The following HSD17B12 variants were observed in gnomAD, a reference collection of about 807,000 sequenced individuals.
The protein encoded by HSD17B12 is very-long-chain 3-oxoacyl-CoA reductase.
Under a neutral mutation model 39.3 loss-of-function variants are expected in HSD17B12, and 32 were observed. That is an observed-to-expected ratio of 0.81 (90% CI 0.61 to 1.09). The LOEUF (loss-of-function observed/expected upper bound fraction) is 1.09. Among genes scored for constraint, HSD17B12 ranks in the 50% least tolerant of loss-of-function variants. The probability of loss-of-function intolerance (pLI) is 0.00; values close to 1 mark genes in which losing one functional copy is unlikely to be tolerated. For missense variants in HSD17B12, 342 were observed against 382.9 expected, an observed-to-expected ratio of 0.89 and a Z score of 0.89; for synonymous variants, 150 against 146.7, an observed-to-expected ratio of 1.02 and a Z score of -0.16.
At chr11:43,689,865 C>G (rs1949836493) in intron 1 of HSD17B12, among the ~76,000 whole-genome samples, 1 of 151,922 alleles carries the variant, frequency 6.6e-6, no homozygotes, top group Non-Finnish European at 1.5e-5. Flanking sequence ...AGGCTTTAAA[C>G]CACCTGCTTC....
At chr11:43,690,404 A>ATTT (rs1206545700) in intron 1 of HSD17B12, among the ~76,000 whole-genome samples, 14 of 24,948 alleles carry the variant, frequency 5.6e-4, no homozygotes, top group South Asian at 1.5e-3. Context: ...ATATATATAT[A>ATTT]TTTTTTTTTT....
intron 3 of HSD17B12, among the ~76,000 whole-genome samples, chr11:43,793,464 C>A (rs181720795): frequency 2.6e-5 from 4 of 152,074 alleles, no homozygotes; most frequent in Admixed American, 2.0e-4. Flanking sequence ...ATATCCCCAG[C>A]CACCTAGGGG....
chr11:43,846,129 A>C (rs764677753), intron 9 of HSD17B12, among the ~76,000 whole-genome samples: 1 of 152,348 alleles, frequency 6.6e-6, no homozygotes, highest in African/African-American at 2.4e-5. Flanking sequence ...TCCGGTGATC[A>C]TCTGACCTAC....
chr11:43,834,658 AT>A (rs1006422779), intron 7 of HSD17B12, among the ~76,000 whole-genome samples: 27 of 151,496 alleles, frequency 1.8e-4, no homozygotes, highest in Non-Finnish European at 2.4e-4. Flanking sequence ...AGGCTTGGCA[AT>A]TTTTTTTTAA....
chr11:43,583,492 C>T, the HSD17B12 span, among the ~76,000 whole-genome samples: 1 of 152,186 alleles, frequency 6.6e-6, no homozygotes, highest in African/African-American at 2.4e-5. Flanking sequence ...AGGGGTCTCT[C>T]ATTCCGGGTG....
In HSD17B12 at chr11:43,798,370, G is replaced by A; in HGVS notation, c.334G>A (p.Glu112Lys). 1 of 1,612,580 alleles carries A rather than the reference G, an allele frequency of 6.2e-7. No individual in the cohort carries two copies. Among genetic ancestry groups the A allele is most frequent in the Non-Finnish European group, 8.5e-7 (1 of 1,179,120 alleles). The change falls in exon 4 of 11, where the codon GAA (glutamate) becomes AAA (lysine). Residue 112 changes from glutamate (E) to lysine (K), a missense_variant. Physicochemically the swap from Glu to Lys is moderately conservative, Grantham distance 56. Coordinates refer to ENST00000278353, the MANE Select transcript of HSD17B12 (RefSeq NM_016142.3). ...TRTIAVDFAS[E>K]DIYDKIKTGL... ...AACCATTGCTGTTGACTTTGCATCA[G>A]AAGATATTTATGATAAAATTAAAAC...
chr11:43,809,666 A>G (rs1951051607), intron 4 of HSD17B12, among the ~76,000 whole-genome samples: 1 of 152,040 alleles, frequency 6.6e-6, no homozygotes, highest in Admixed American at 6.5e-5. Context: ...TAAAACTACA[A>G]AAAATTAGCC....
At chr11:43,722,768 G>T (rs1950186919) in intron 1 of HSD17B12, among the ~76,000 whole-genome samples, 1 of 152,048 alleles carries the variant, frequency 6.6e-6, no homozygotes, top group South Asian at 2.1e-4. Context: ...AGAATTGCTT[G>T]AACCCGGGAG....
chr11:43,789,766 T>G (rs1489574843), intron 3 of HSD17B12, among the ~76,000 whole-genome samples: 1 of 152,018 alleles, frequency 6.6e-6, no homozygotes, highest in East Asian at 1.9e-4. Context: ...CTGGGCAGCA[T>G]GACAAAACCC....
the HSD17B12 span, among the ~76,000 whole-genome samples, chr11:43,619,211 A>G: frequency 1.9e-4 from 7 of 37,736 alleles, no homozygotes; most frequent in African/African-American, 3.4e-4. Context: ...ATATATATAT[A>G]TAAAATATAT....
At chr11:43,774,824 C>T (rs1458168623) in intron 3 of HSD17B12, among the ~76,000 whole-genome samples, 1 of 152,146 alleles carries the variant, frequency 6.6e-6, no homozygotes, top group Non-Finnish European at 1.5e-5. Flanking sequence ...TATATACACC[C>T]CATATGATTC....
chr11:43,590,978 A>C, the HSD17B12 span, among the ~76,000 whole-genome samples: 1 of 152,054 alleles, frequency 6.6e-6, no homozygotes, highest in African/African-American at 2.4e-5. Flanking sequence ...CTTATCAAGT[A>C]ATTTAAAACC....
At position 43,776,827 on chromosome 11, in the gene HSD17B12, T is replaced by C. The variant is rs866186316; in HGVS notation, c.284-21493T>C. Among the ~76,000 whole-genome samples, 56 of 152,278 alleles carry C rather than the reference T, an allele frequency of 3.7e-4. 1 individual carries two copies. The highest frequency in any genetic ancestry group is 6.8e-3 in the Middle Eastern group (2 of 294). ...CCAGTTTCAGCTTTCTACATATGGC[T>C]AGCCAGTTTTCCCAGCACCATTTAT... On this transcript the variant is annotated intron_variant, in intron 3 of 10. Coordinates refer to ENST00000278353, the MANE Select transcript of HSD17B12 (RefSeq NM_016142.3).
the HSD17B12 span, among the ~76,000 whole-genome samples, chr11:43,659,987 A>T: frequency 9.2e-5 from 14 of 152,122 alleles, no homozygotes; most frequent in African/African-American, 3.4e-4. Flanking sequence ...GGTATAACCC[A>T]TGAAATCACT....
At position 43,717,091 on chromosome 11, in the gene HSD17B12, AG is replaced by A. The variant is rs557176723; in HGVS notation, c.161-33819del. Among the ~76,000 whole-genome samples, 965 of 152,310 alleles carry A rather than the reference AG, an allele frequency of 6.3e-3. 5 individuals are homozygous for A. The highest frequency in any genetic ancestry group is 0.022 in the African/African-American group (917 of 41,572). ...AAGCATCCAAGTAACGATTTCAAGG[AG>A]AAAGTTAAGACTAGATTTAGTTATT... is the stretch of plus-strand genomic sequence containing the variant. On this transcript the variant is annotated intron_variant, in intron 1 of 10. Coordinates refer to ENST00000278353, the MANE Select transcript of HSD17B12 (RefSeq NM_016142.3).
Position 43,816,364 on chromosome 11 carries a change from A to C in HSD17B12, c.474A>C (p.Ile158=). ...PDLDNVIKKM[I]NINILSVCKM... Reference sequence around the variant, plus strand: ...TTTTGCAGGTGATCAAGAAAATGATAAATATTAATATTCTTTCTGTTTGTA... The same window carrying C: ...TTTTGCAGGTGATCAAGAAAATGATCAATATTAATATTCTTTCTGTTTGTA... Residue 158 remains isoleucine (I), a synonymous_variant, in exon 6 of 11, where the codon ATA becomes ATC. Coordinates refer to ENST00000278353, the MANE Select transcript of HSD17B12 (RefSeq NM_016142.3). 1 of 1,515,244 alleles carries C rather than the reference A, an allele frequency of 6.6e-7. No homozygotes were observed. The highest frequency in any genetic ancestry group is 1.2e-5 in the South Asian group (1 of 82,030). The allele number at this position is 1,515,244 out of a possible 1,614,324, so 93.9% of individuals were successfully genotyped here. A position where few individuals can be genotyped will look rare whatever the true frequency, so the allele number is the denominator to read the frequency against.
intron 9 of HSD17B12, among the ~76,000 whole-genome samples, chr11:43,842,152 G>A (rs1412968180): frequency 6.6e-6 from 1 of 152,174 alleles, no homozygotes; most frequent in Admixed American, 6.5e-5. Flanking sequence ...TCTGTGCTCA[G>A]GGAGTGATGG....
rs142308258 is a variant in HSD17B12 at position 43,698,737 on chromosome 11, T to C, written c.160+17750T>C. 1.1e-3 allele frequency among the ~76,000 whole-genome samples: 166 copies of C among 152,338 alleles called. 2 individuals are homozygous for C. The East Asian group carries it at 0.026, about 24-fold the overall frequency. ...TAGAAAGTACAAAGCATTATGCACA[T>C]ACAAGGCACTGGGCCTTTTCCCCTC... On this transcript the variant is annotated intron_variant, in intron 1 of 10. Coordinates refer to ENST00000278353, the MANE Select transcript of HSD17B12 (RefSeq NM_016142.3).
intron 4 of HSD17B12, among the ~76,000 whole-genome samples, chr11:43,810,370 TA>T (rs1951059297): frequency 1.9e-5 from 2 of 104,872 alleles, no homozygotes; most frequent in African/African-American, 9.0e-5. Flanking sequence ...TTAGAAATTA[TA>T]TATATATATA....
Sources: allele counts gnomAD v4.1 joint callset (sites outside exome capture counted in the v4.1 genomes callset), GRCh38; gene constraint gnomAD v4.1.1; transcripts MANE v1.5; gene names NCBI Gene and HGNC (gene_info 2026-07-23, HGNC 2026-07-21).